The following SIPA1L2 variants were observed in gnomAD, a reference collection of about 807,000 sequenced individuals.
SIPA1L2 encodes signal induced proliferation associated 1 like 2.
Under a neutral mutation model 163.9 loss-of-function variants are expected in SIPA1L2, and 56 were observed. The observed-to-expected ratio is 0.34, with a 90% confidence interval of 0.28 to 0.43. The LOEUF is 0.43. Ranked by LOEUF, SIPA1L2 falls within the 20% of genes least tolerant of loss-of-function variation. The pLI is 1.00. For synonymous variants in SIPA1L2, 877 were observed against 865.7 expected, an observed-to-expected ratio of 1.01 and a Z score of -0.23; for missense variants, 1,974 against 2,193.5, an observed-to-expected ratio of 0.90 and a Z score of 2.00.
At chr1:232,481,417 A>G (rs1558211594) in intron 6 of SIPA1L2, among the ~76,000 whole-genome samples, 1 of 152,140 alleles carries the variant, frequency 6.6e-6, no homozygotes, top group Non-Finnish European at 1.5e-5. Context: ...ATGCTGACTG[A>G]TATTAGGTTT....
intron 18 of SIPA1L2, among the ~76,000 whole-genome samples, chr1:232,416,567 C>G (rs1661278013): frequency 6.6e-6 from 1 of 152,196 alleles, no homozygotes; most frequent in African/African-American, 2.4e-5. Flanking sequence ...AGTATTGGAA[C>G]AATCTCCATC....
At chr1:232,568,912 T>A (rs965274462) in intron 2 of SIPA1L2, among the ~76,000 whole-genome samples, 2 of 152,226 alleles carry the variant, frequency 1.3e-5, no homozygotes, top group Admixed American at 1.3e-4. Context: ...TTACAGCAAC[T>A]GAACCTTTTA....
intron 10 of SIPA1L2, among the ~76,000 whole-genome samples, chr1:232,459,515 T>A (rs1281806701): frequency 1.3e-5 from 2 of 152,158 alleles, no homozygotes; most frequent in African/African-American, 4.8e-5. Context: ...TAAAGTTTTA[T>A]TTATTATTAT....
At chr1:232,417,172 C>T (rs1270438758) in intron 18 of SIPA1L2, among the ~76,000 whole-genome samples, 1 of 152,144 alleles carries the variant, frequency 6.6e-6, no homozygotes, top group African/African-American at 2.4e-5. Context: ...GAAATGCTGG[C>T]ATCTGGACTA....
At chr1:232,400,009 G>A (rs1478899698) in intron 22 of SIPA1L2, among the ~76,000 whole-genome samples, 3 of 152,078 alleles carry the variant, frequency 2.0e-5, no homozygotes, top group East Asian at 1.9e-4. Context: ...GTGAGTGGAC[G>A]CCCCCACCCT....
chr1:232,543,693 C>G (rs763373930), intron 2 of SIPA1L2, among the ~76,000 whole-genome samples: 2 of 152,042 alleles, frequency 1.3e-5, no homozygotes, highest in African/African-American at 2.4e-5. Context: ...ACACAGCAGG[C>G]CCTACCTTTA....
At chr1:232,458,313 C>G (rs1664043763) in intron 10 of SIPA1L2, among the ~76,000 whole-genome samples, 1 of 152,224 alleles carries the variant, frequency 6.6e-6, no homozygotes, top group Non-Finnish European at 1.5e-5. Flanking sequence ...AGGCAGATAA[C>G]TGATTCCTTA....
chr1:232,442,551 A>AC (rs1662967519), intron 12 of SIPA1L2, among the ~76,000 whole-genome samples: 1 of 144,944 alleles, frequency 6.9e-6, no homozygotes, highest in Non-Finnish European at 1.5e-5. Flanking sequence ...CCATCTCAAA[A>AC]GAAAAAAAAA....
chr1:232,607,672 C>T (rs1661999741), intron 1 of SIPA1L2, among the ~76,000 whole-genome samples: 1 of 151,422 alleles, frequency 6.6e-6, no homozygotes, highest in African/African-American at 2.4e-5. Flanking sequence ...AAGAGAAGGG[C>T]TGCTTTGTTC....
chr1:232,491,334 C>T (rs966717975), intron 4 of SIPA1L2, among the ~76,000 whole-genome samples: 13 of 152,132 alleles, frequency 8.5e-5, no homozygotes, highest in Admixed American at 1.3e-4. Context: ...CAGAGCAATG[C>T]TATGAAAATT....
chr1:232,557,791 G>T (rs1176275453), intron 2 of SIPA1L2, among the ~76,000 whole-genome samples: 3 of 152,294 alleles, frequency 2.0e-5, no homozygotes, highest in East Asian at 3.9e-4. Flanking sequence ...CTAACAAGAT[G>T]CCTGGCACAG....
chr1:232,418,684 C>A (rs762272607), intron 18 of SIPA1L2, among the ~76,000 whole-genome samples: 7 of 152,208 alleles, frequency 4.6e-5, no homozygotes, highest in Non-Finnish European at 8.8e-5. Flanking sequence ...AACCCCTCAC[C>A]ACTTTTAATT....
intron 2 of SIPA1L2, among the ~76,000 whole-genome samples, chr1:232,520,670 A>T (rs1667422610): frequency 6.6e-6 from 1 of 151,916 alleles, no homozygotes; most frequent in East Asian, 1.9e-4. Flanking sequence ...TAATACAAGT[A>T]TAACTATAGT....
intron 2 of SIPA1L2, among the ~76,000 whole-genome samples, chr1:232,572,746 T>TACACACATATATACATAC (rs1268436658): frequency 1.1e-5 from 1 of 90,424 alleles, no homozygotes; most frequent in African/African-American, 4.6e-5. Context: ...TACATATATA[T>TACACACATATATACATAC]ATATATATAT....
chr1:232,575,046 C>G (rs1660004473), intron 1 of SIPA1L2, among the ~76,000 whole-genome samples: 2 of 152,218 alleles, frequency 1.3e-5, no homozygotes. Flanking sequence ...GCTTTCAACA[C>G]ATCATTTTTT....
intron 2 of SIPA1L2, among the ~76,000 whole-genome samples, chr1:232,557,437 T>A (rs1018081869): frequency 6.6e-6 from 1 of 152,216 alleles, no homozygotes; most frequent in African/African-American, 2.4e-5. Flanking sequence ...TTTCTTTCTA[T>A]GCAAATCATT....
intron 2 of SIPA1L2, among the ~76,000 whole-genome samples, chr1:232,529,684 G>A (rs1426053229): frequency 6.6e-6 from 1 of 152,180 alleles, no homozygotes; most frequent in Non-Finnish European, 1.5e-5. Context: ...CCATACATTT[G>A]CAAAACTGGA....
chr1:232,578,882 T>C (rs1183277005), intron 1 of SIPA1L2, among the ~76,000 whole-genome samples: 1 of 152,226 alleles, frequency 6.6e-6, no homozygotes, highest in Non-Finnish European at 1.5e-5. Flanking sequence ...AGGTGGTTTA[T>C]ATGAGGCAAC....
chr1:232,461,991 T>C (rs944456086), intron 9 of SIPA1L2, among the ~76,000 whole-genome samples: 2 of 152,182 alleles, frequency 1.3e-5, no homozygotes, highest in African/African-American at 2.4e-5. Flanking sequence ...TCTGTGCTTA[T>C]GGGCTGCCTC....
Sources: allele counts gnomAD v4.1 joint callset (sites outside exome capture counted in the v4.1 genomes callset), GRCh38; gene constraint gnomAD v4.1.1; transcripts MANE v1.5; gene names NCBI Gene and HGNC (gene_info 2026-07-23, HGNC 2026-07-21).